The following ASTN1 variants were observed in gnomAD, a reference collection of about 807,000 sequenced individuals.
ASTN1 encodes the protein astrotactin 1.
Under a neutral mutation model 140.7 loss-of-function variants are expected in ASTN1, and 41 were observed. That is an observed-to-expected ratio of 0.29 (90% CI 0.23 to 0.38). The LOEUF is 0.38. ASTN1 is among the 10% of genes least tolerant of loss of function. The pLI is 1.00. For synonymous variants in ASTN1, 640 were observed against 652.2 expected (o/e 0.98, Z 0.29); for missense variants, 1,479 against 1,678.8 (o/e 0.88, Z 2.08).
chr1:177,134,416 T>G (rs748984401), intron 1 of ASTN1, among the ~76,000 whole-genome samples: 1 of 152,204 alleles, frequency 6.6e-6, no homozygotes, highest in Non-Finnish European at 1.5e-5. Context: ...AATGGACTAC[T>G]GGGAGCAATC....
At chr1:177,080,088 G>T (rs562596545) in intron 1 of ASTN1, among the ~76,000 whole-genome samples, 1 of 152,122 alleles carries the variant, frequency 6.6e-6, no homozygotes, top group Admixed American at 6.5e-5. Context: ...TGAATGTTAT[G>T]TGTTTAATGC....
chr1:176,976,154 T>A (rs548705223), intron 8 of ASTN1: 1 of 152,312 alleles, frequency 6.6e-6, no homozygotes, highest in Non-Finnish European at 1.5e-5. Context: ...TCATTTCTAT[T>A]TCTGAGGATC....
Position 176,861,574 on chromosome 1 carries a change from G to C in ASTN1, c.*2710C>G, listed in dbSNP as rs1441728841. Reference sequence around the variant, plus strand: ...TCTTCCAAGGGGAAAAAATCCTCCAGTCAATTGTACAACCATCCTAAGATT... The same window carrying C: ...TCTTCCAAGGGGAAAAAATCCTCCACTCAATTGTACAACCATCCTAAGATT... On this transcript the variant is annotated 3_prime_UTR_variant, in exon 23 of 23. Transcript: ENST00000361833. 1 of 985,646 alleles carries C rather than the reference G, an allele frequency of 1.0e-6. No individual in the cohort carries two copies. 61.1% of individuals were successfully genotyped at this position (985,646 alleles called of 1,614,324 possible).
chr1:176,933,795 C>A (rs1261664887), intron 16 of ASTN1, among the ~76,000 whole-genome samples: 1 of 152,140 alleles, frequency 6.6e-6, no homozygotes, highest in African/African-American at 2.4e-5. Flanking sequence ...GGAGACTGAA[C>A]CACGCTCACT....
At chr1:176,965,422 G>A (rs1405767119) in intron 8 of ASTN1, among the ~76,000 whole-genome samples, 185 bp from the exon 9 acceptor site, 3 of 152,104 alleles carry the variant, frequency 2.0e-5, no homozygotes, top group Non-Finnish European at 4.4e-5. Flanking sequence ...CGAAGAACAC[G>A]ATAAATGTAA....
At chr1:176,917,347 G>A (rs1571506201) in intron 16 of ASTN1, among the ~76,000 whole-genome samples, 1 of 152,158 alleles carries the variant, frequency 6.6e-6, no homozygotes, top group Non-Finnish European at 1.5e-5. Context: ...GGGGTGGCAC[G>A]GTGAGAACTG....
intron 1 of ASTN1, among the ~76,000 whole-genome samples, chr1:177,153,661 G>A (rs560621873): frequency 2.6e-5 from 4 of 152,180 alleles, no homozygotes; most frequent in Non-Finnish European, 5.9e-5. Context: ...AGGTACAGAA[G>A]TCAAAAAGAA....
At position 177,130,776 on chromosome 1, in the gene ASTN1, G is replaced by A. The variant is rs192540791; in HGVS notation, c.283+33618C>T. Among the ~76,000 whole-genome samples the A allele has an allele frequency of 3.3e-3, 508 of 152,290 alleles. 18 individuals carry two copies. Among genetic ancestry groups the A allele is most frequent in the Admixed American group, 0.03 (459 of 15,302 alleles). The stretch of plus-strand genomic sequence containing the variant: ...GTATCACCTAGAGACTTTGGCATGA[G>A]CCTGGTCCACGTTAAAGTGTTTGAC... On this transcript the variant is annotated intron_variant, in intron 1 of 22. Transcript: ENST00000361833.
At chr1:177,064,253 T>A (rs1028474962) in intron 1 of ASTN1, among the ~76,000 whole-genome samples, 1 of 152,214 alleles carries the variant, frequency 6.6e-6, no homozygotes, top group African/African-American at 2.4e-5. Context: ...GCTTTTATGC[T>A]GCAGTCTTTT....
chr1:176,954,858 G>C (rs1672333938), intron 11 of ASTN1, among the ~76,000 whole-genome samples: 1 of 152,160 alleles, frequency 6.6e-6, no homozygotes, highest in South Asian at 2.1e-4. Context: ...TTTGTTTCCT[G>C]TCCTCAGAGA....
intron 1 of ASTN1, among the ~76,000 whole-genome samples, chr1:177,070,892 G>A (rs1678604961): frequency 6.6e-6 from 1 of 152,142 alleles, no homozygotes; most frequent in South Asian, 2.1e-4. Flanking sequence ...GTGCTTAGCA[G>A]TACCTGGAGT....
intron 1 of ASTN1, among the ~76,000 whole-genome samples, chr1:177,148,779 G>A (rs1682836607): frequency 6.6e-6 from 1 of 151,820 alleles, no homozygotes; most frequent in Non-Finnish European, 1.5e-5. Flanking sequence ...CTGAGATGAT[G>A]ATAGAAGTTT....
chr1:177,107,924 C>CA (rs1045010046), intron 1 of ASTN1, among the ~76,000 whole-genome samples: 1 of 151,248 alleles, frequency 6.6e-6, no homozygotes, highest in Non-Finnish European at 1.5e-5. Flanking sequence ...TGGGAGGATA[C>CA]TTTTTTTTTA....
chr1:177,118,598 T>A (rs1164330150), intron 1 of ASTN1, among the ~76,000 whole-genome samples: 1 of 152,166 alleles, frequency 6.6e-6, no homozygotes, highest in Non-Finnish European at 1.5e-5. Context: ...CCAGCCAAAC[T>A]AATGGTGGGA....
At chr1:177,141,342 G>C (rs1682462066) in intron 1 of ASTN1, among the ~76,000 whole-genome samples, 2 of 152,102 alleles carry the variant, frequency 1.3e-5, no homozygotes, top group South Asian at 4.2e-4. Flanking sequence ...GGGGGCTTGG[G>C]GAACTTCTCT....
At chr1:177,065,141 T>G (rs891981641) in intron 1 of ASTN1, among the ~76,000 whole-genome samples, 1 of 152,168 alleles carries the variant, frequency 6.6e-6, no homozygotes, top group Admixed American at 6.5e-5. Context: ...CACAGTGTAC[T>G]GAATAAGCAA....
intron 16 of ASTN1, among the ~76,000 whole-genome samples, chr1:176,915,903 TG>T (rs1326893762): frequency 6.6e-6 from 1 of 152,170 alleles, no homozygotes; most frequent in African/African-American, 2.4e-5. Context: ...AGAAAACATA[TG>T]CTTGGAATGG....
intron 1 of ASTN1, among the ~76,000 whole-genome samples, chr1:177,070,695 A>C (rs1678593597): frequency 6.6e-6 from 1 of 152,206 alleles, no homozygotes; most frequent in Non-Finnish European, 1.5e-5. Flanking sequence ...GAGGAACTTG[A>C]GTTCCAGAAT....
intron 1 of ASTN1, among the ~76,000 whole-genome samples, chr1:177,140,820 G>A (rs943794917): frequency 6.6e-6 from 1 of 152,176 alleles, no homozygotes. Flanking sequence ...GAGGCTTTGG[G>A]GTCAGGTAGA....
Sources: gnomAD v4.1 joint callset for allele counts (sites outside exome capture counted in the v4.1 genomes callset) on GRCh38, gnomAD v4.1.1 for gene constraint, MANE v1.5 for transcripts, NCBI Gene and HGNC (gene_info 2026-07-23, HGNC 2026-07-21) for gene names.